CACNA1H: variants seen among roughly 807,000 people sequenced by gnomAD.
The protein encoded by CACNA1H is voltage-dependent T-type calcium channel subunit alpha-1H.
CACNA1H carries 149 observed loss-of-function variants against 192.5 expected under a neutral mutation model. The observed-to-expected ratio is 0.77, with a 90% confidence interval of 0.68 to 0.89. The LOEUF (loss-of-function observed/expected upper bound fraction) is 0.89. Among genes scored for constraint, CACNA1H ranks in the 40% least tolerant of loss-of-function variants. The pLI is 0.00. For synonymous variants in CACNA1H, 2,202 were observed against 1,475.2 expected, an observed-to-expected ratio of 1.49 and a Z score of -11.29; for missense variants, 4,257 against 3,423.5, an observed-to-expected ratio of 1.24 and a Z score of -6.08.
At chr16:1,181,930 C>G (rs1255550833) in intron 2 of CACNA1H, among the ~76,000 whole-genome samples, 1 of 152,168 alleles carries the variant, frequency 6.6e-6, no homozygotes, top group Admixed American at 6.5e-5. Context: ...CATGCATGTC[C>G]CCTTTGCACA....
chr16:1,203,060 C>A (rs79939281), intron 9 of CACNA1H, among the ~76,000 whole-genome samples: 1 of 152,118 alleles, frequency 6.6e-6, no homozygotes, highest in Admixed American at 6.5e-5. Context: ...GATGTAGAGA[C>A]GCAGGCGGGG....
At position 1,215,076 on chromosome 16, in the gene CACNA1H, G is replaced by C. The variant is rs1248027678; in HGVS notation, c.5034G>C (p.Lys1678Asn). ...LVAFGFRRFF[K>N]DRWNQLDLAI... ...CATTTGGGTTCCGTCGGTTCTTCAA[G>C]GACAGGTGTGTGTGGTGGGGCCGTC... The change falls in exon 28 of 35, where the codon AAG (lysine) becomes AAC (asparagine). Residue 1678 changes from lysine to asparagine, a missense_variant. By Grantham distance (94) the Lys-to-Asn change is moderately conservative (BLOSUM62 0). Transcript: ENST00000348261. 6.2e-7 allele frequency: 1 copy of C among 1,611,150 alleles called. No homozygotes were observed. The highest frequency in any genetic ancestry group is 1.3e-5 in the African/African-American group (1 of 74,884).
intron 32 of CACNA1H, 36 bp from the exon 33 acceptor site, chr16:1,218,174 G>A (rs759457423): frequency 3.9e-6 from 6 of 1,540,032 alleles, no homozygotes; most frequent in Middle Eastern, 1.7e-4. Flanking sequence ...CCGCGGGTGG[G>A]TGTGGACCCC....
At chr16:1,184,494 C>T (rs781376086) in intron 2 of CACNA1H, among the ~76,000 whole-genome samples, 23 of 152,352 alleles carry the variant, frequency 1.5e-4, no homozygotes, top group Admixed American at 8.5e-4. Flanking sequence ...GCTCGTTTCC[C>T]GGCCCTCACC....
At chr16:1,209,515 G>A in intron 17 of CACNA1H, 103 bp downstream of exon 17, 1 of 1,422,056 alleles carries the variant, frequency 7.0e-7, no homozygotes, top group Non-Finnish European at 9.6e-7. Flanking sequence ...GTTGTTGACT[G>A]AGGGGATTCA....
chr16:1,160,855 C>T (rs1021677118), intron 2 of CACNA1H, among the ~76,000 whole-genome samples: 6 of 152,144 alleles, frequency 3.9e-5, no homozygotes, highest in South Asian at 2.1e-4. Context: ...CCCCGTGCAG[C>T]GTCAACCCGG....
At chr16:1,163,989 CT>C (rs1041134425) in intron 2 of CACNA1H, among the ~76,000 whole-genome samples, 1 of 152,230 alleles carries the variant, frequency 6.6e-6, no homozygotes, top group African/African-American at 2.4e-5. Context: ...TCAGCCGCCC[CT>C]GCCCCAGCCG....
rs1490660906 is a variant in CACNA1H at position 1,207,349 on chromosome 16, C to T, written c.2982C>T (p.Tyr994=). ...MASTSSWAAL[Y]FVALMTFGNY... ...CCACCTCCTCCTGGGCCGCCCTCTA[C>T]TTCGTGGCCCTCATGACCTTCGGCA... Residue 994 remains tyrosine (Y), a synonymous_variant, in exon 14 of 35, where the codon TAC becomes TAT. Transcript: ENST00000348261. 5 of 1,612,964 alleles carry T rather than the reference C, an allele frequency of 3.1e-6. No homozygotes were observed. Among genetic ancestry groups the T allele is most frequent in the Non-Finnish European group, 4.2e-6 (5 of 1,179,696 alleles).
At position 1,215,025 on chromosome 16, in the gene CACNA1H, C is replaced by G; in HGVS notation, c.4983C>G (p.Val1661=). 6.2e-7 allele frequency: 1 copy of G among 1,613,028 alleles called. No individual in the cohort carries two copies. Among genetic ancestry groups the G allele is most frequent in the East Asian group, 2.2e-5 (1 of 44,858 alleles). ...ACTACGTCTTCACCATCGTGTTTGTCTTCGAGGCTGCACTGAAGCTGGTAG... is the reference window on the plus strand; with the variant it reads ...ACTACGTCTTCACCATCGTGTTTGTGTTCGAGGCTGCACTGAAGCTGGTAG... ...YCNYVFTIVF[V]FEAALKLVAF... The change falls in exon 28 of 35, where the codon GTC becomes GTG. Residue 1661 remains valine, a synonymous_variant. Transcript: ENST00000348261.
At chr16:1,196,139 C>A in intron 5 of CACNA1H, 116 bp downstream of exon 5, 1 of 800,470 alleles carries the variant, frequency 1.2e-6, no homozygotes, top group Non-Finnish European at 2.1e-6. Flanking sequence ...GGTTACCAGG[C>A]ACTCCGGCCC....
chr16:1,212,536 C>A lies in CACNA1H; in HGVS notation c.4777+8C>A. 1 of 1,610,346 alleles carries A rather than the reference C, an allele frequency of 6.2e-7. No individual in the cohort carries two copies. The highest frequency in any genetic ancestry group is 8.5e-7 in the Non-Finnish European group (1 of 1,178,926). On this transcript the variant is annotated splice_region_variant and intron_variant, in intron 26 of 34. Coordinates refer to ENST00000348261, the MANE Select transcript of CACNA1H (RefSeq NM_021098.3). ...GCACTTTCCCCAGCCCAGGTACCGG[C>A]CCTGTCCCGCATGCCTCAGGCCCCG...
At chr16:1,179,379 T>C (rs1965235804) in intron 2 of CACNA1H, among the ~76,000 whole-genome samples, 1 of 152,136 alleles carries the variant, frequency 6.6e-6, no homozygotes, top group Non-Finnish European at 1.5e-5. Context: ...TGGACTCTCC[T>C]GCCCCCGCGA....
At chr16:1,174,343 A>T (rs1738256852) in intron 2 of CACNA1H, among the ~76,000 whole-genome samples, 1 of 152,088 alleles carries the variant, frequency 6.6e-6, no homozygotes, top group Non-Finnish European at 1.5e-5. Context: ...AGAGCCCAGG[A>T]TATGGAGGTA....
Position 1,164,584 on chromosome 16 carries a change from G to A in CACNA1H, c.299+10548G>A, listed in dbSNP as rs917327615. Among the ~76,000 whole-genome samples, 27 of 152,258 alleles carry A rather than the reference G, an allele frequency of 1.8e-4. No homozygotes were observed. In the East Asian group the frequency reaches 5.2e-3, roughly 29 times the overall value. ...TGGCCTGCAGCGTGGGCACAGGGGC[G>A]ATTTGGACCCCGGGCGGTGCCGAGC... On this transcript the variant is annotated intron_variant, in intron 2 of 34. Coordinates refer to ENST00000348261, the MANE Select transcript of CACNA1H (RefSeq NM_021098.3).
intron 17 of CACNA1H, among the ~76,000 whole-genome samples, chr16:1,209,793 C>A (rs1447800942): frequency 6.6e-6 from 1 of 152,182 alleles, no homozygotes; most frequent in Non-Finnish European, 1.5e-5. Context: ...AGCACCCGCT[C>A]ACCTGGCCCC....
intron 2 of CACNA1H, among the ~76,000 whole-genome samples, chr16:1,175,975 T>C (rs1567458497): frequency 6.6e-6 from 1 of 152,138 alleles, no homozygotes; most frequent in Non-Finnish European, 1.5e-5. Context: ...GCCTGGGGGC[T>C]GCCATGCTCC....
intron 12 of CACNA1H, 74 bp from the exon 13 acceptor site, chr16:1,206,925 CCT>C: frequency 9.6e-6 from 2 of 209,394 alleles, no homozygotes; most frequent in Admixed American, 5.4e-5. Flanking sequence ...CTCCCACCCC[CCT>C]CCCGCTCCCC....
rs746638277 is a variant in CACNA1H at position 1,210,109 on chromosome 16, C to T, written c.3819C>T (p.Ala1273=). ...PQWCRSREAW[A]LYLFSPQNRF... is the part of the protein sequence containing the mutation. Reference sequence around the variant, plus strand: ...GGTGCCGGAGCCGCGAGGCCTGGGCCCTCTACCTCTTCTCCCCACAGAACC... The same window carrying T: ...GGTGCCGGAGCCGCGAGGCCTGGGCTCTCTACCTCTTCTCCCCACAGAACC... The change falls in exon 18 of 35, where the codon GCC becomes GCT. Residue 1273 remains alanine, a synonymous_variant. Transcript: ENST00000348261. The T allele has an allele frequency of 6.4e-6, 10 of 1,559,508 alleles. No homozygotes were observed. Among genetic ancestry groups the T allele is most frequent in the Admixed American group, 5.7e-5 (3 of 52,666 alleles).
chr16:1,156,644 A>G (rs1790891962), intron 2 of CACNA1H, among the ~76,000 whole-genome samples: 1 of 152,102 alleles, frequency 6.6e-6, no homozygotes. Context: ...TCCCTCCTGA[A>G]GAGGGTGAAC....
Sources: allele counts gnomAD v4.1 joint callset (sites outside exome capture counted in the v4.1 genomes callset), GRCh38; gene constraint gnomAD v4.1.1; transcripts MANE v1.5; gene names NCBI Gene and HGNC (gene_info 2026-07-23, HGNC 2026-07-21).